MYO15B: variants seen among roughly 807,000 people sequenced by gnomAD.
MYO15B encodes the protein myosin XVB.
A neutral mutation model predicts 119.3 loss-of-function variants in MYO15B; 207 were observed. That is an observed-to-expected ratio of 1.73 (90% CI 1.55 to 1.95). The LOEUF (loss-of-function observed/expected upper bound fraction) is 1.95. MYO15B is among the 30% of genes most tolerant of loss of function. MYO15B has a pLI of 0.00. For synonymous variants in MYO15B, 966 were observed against 498.9 expected (o/e 1.94, Z -12.48); for missense variants, 2,264 against 1,203.1 (o/e 1.88, Z -13.04).
intron 14 of MYO15B, among the ~76,000 whole-genome samples, chr17:75,599,884 G>A (rs147393390): frequency 0.017 from 2,024 of 119,598 alleles, 45 homozygotes; most frequent in African/African-American, 0.058. Context: ...GACAGAGCAA[G>A]ACTCGTCTCA....
chr17:75,602,940 G>A (rs1598779821), exon 17 of MYO15B: 1 of 692,110 alleles, frequency 1.4e-6, no homozygotes. Context: ...TAGCCCGGCT[G>A]GGCAGGTAAG....
intron 22 of MYO15B, among the ~76,000 whole-genome samples, 198 bp downstream of exon 22, chr17:75,610,457 C>T (rs1247551607): frequency 6.6e-6 from 1 of 152,228 alleles, no homozygotes; most frequent in Non-Finnish European, 1.5e-5. Context: ...TGTCTTCCTC[C>T]ATCCCTGCCT....
At chr17:75,619,544 C>T (rs1053036488) in intron 45 of MYO15B, 68 bp downstream of exon 45, 1 of 688,024 alleles carries the variant, frequency 1.5e-6, no homozygotes, top group African/African-American at 1.8e-5. Flanking sequence ...TGCATGGGCA[C>T]AGACCACAAG....
At chr17:75,602,200 C>T (rs1336682568) in intron 15 of MYO15B, 1 of 434,220 alleles carries the variant, frequency 2.3e-6, no homozygotes, top group African/African-American at 2.0e-5. Flanking sequence ...TTCAAGAAAG[C>T]TAGGAAAATG....
intron 14 of MYO15B, among the ~76,000 whole-genome samples, chr17:75,598,783 T>A (rs1169128825): frequency 6.6e-6 from 1 of 152,196 alleles, no homozygotes; most frequent in Non-Finnish European, 1.5e-5. Context: ...AGTTCACATT[T>A]CATAATGTTT....
At position 75,619,219 on chromosome 17, in the gene MYO15B, G is replaced by A. The variant is rs964199311; in HGVS notation, c.7063+1G>A. ...CGGCGGAAAATGAAAGACCTGCTGG[G>A]TATGGGTCCAGGGACCATGGAGTTG... On this transcript the variant is annotated splice_donor_variant, in intron 44 of 63. Transcript: ENST00000645453. LOFTEE classifies it high-confidence loss of function. 1.0e-5 allele frequency: 7 copies of A among 702,720 alleles called. No individual in the cohort carries two copies. Among genetic ancestry groups the A allele is most frequent in the African/African-American group, 8.7e-5 (5 of 57,242 alleles). 43.5% of individuals were successfully genotyped at this position (702,720 alleles called of 1,614,324 possible). A position where few individuals can be genotyped will look rare whatever the true frequency, so the allele number is the denominator to read the frequency against.
Position 75,614,180 on chromosome 17 carries a change from C to T in MYO15B, c.5220-19C>T, listed in dbSNP as rs1328861940. 1 of 700,730 alleles carries T rather than the reference C, an allele frequency of 1.4e-6. No individual in the cohort carries two copies. Among genetic ancestry groups the T allele is most frequent in the African/African-American group, 1.7e-5 (1 of 57,164 alleles). 43.4% of individuals were successfully genotyped at this position (700,730 alleles called of 1,614,324 possible). ...TCTGGATGGCCGCCTGCCTCACTGA[C>T]TGGTCCCCTCCCACCCAGAGGCCTG... On this transcript the variant is annotated intron_variant, in intron 29 of 63. Coordinates refer to ENST00000645453, the Ensembl canonical transcript of MYO15B.
At chr17:75,616,190 A>G in intron 37 of MYO15B, 43 bp downstream of exon 37, 1 of 571,800 alleles carries the variant, frequency 1.7e-6, no homozygotes, top group Admixed American at 3.4e-5. Flanking sequence ...AAACATGGCC[A>G]GTGCCCCTGG....
intron 5 of MYO15B, 57 bp from the exon 6 acceptor site, chr17:75,591,920 G>T (rs961597328): frequency 5.8e-6 from 4 of 689,702 alleles, no homozygotes; most frequent in Non-Finnish European, 1.1e-5. Flanking sequence ...TAGCTGGGAT[G>T]CCTGCTGGTG....
chr17:75,590,202 C>T (rs1432812981), exon 1 of MYO15B: 4 of 399,092 alleles, frequency 1.0e-5, no homozygotes, highest in Non-Finnish European at 1.3e-5. Context: ...GCAGGAGCCT[C>T]GGAGACGGCC....
At chr17:75,618,362 G>T (rs1314861116) in intron 43 of MYO15B, among the ~76,000 whole-genome samples, 177 bp downstream of exon 43, 1 of 152,250 alleles carries the variant, frequency 6.6e-6, no homozygotes, top group African/African-American at 2.4e-5. Context: ...TTCCTGAGAA[G>T]TAGGGACCAT....
chr17:75,616,398 GAGGAGGAGGAGGAGGAGC>G (rs2058373176), exon 38 of MYO15B: 2 of 623,158 alleles, frequency 3.2e-6, no homozygotes, highest in Non-Finnish European at 5.7e-6. Context: ...GGAGGAGGAG[GAGGAGGAGGAGGAGGAGC>G]AGGAGGAGCA....
intron 48 of MYO15B, 29 bp from the exon 49 acceptor site, chr17:75,620,438 G>A (rs2058641040): frequency 5.7e-6 from 4 of 702,558 alleles, no homozygotes; most frequent in African/African-American, 1.7e-5. Context: ...GGGTCCAGTG[G>A]GTGAGCCACA....
At chr17:75,602,111 G>A (rs1309035744) in intron 15 of MYO15B, among the ~76,000 whole-genome samples, 1 of 152,222 alleles carries the variant, frequency 6.6e-6, no homozygotes, top group Non-Finnish European at 1.5e-5. Flanking sequence ...GTTCTCCCTG[G>A]AGGAGATGGC....
intron 55 of MYO15B, 53 bp downstream of exon 55, chr17:75,624,117 A>G: frequency 1.4e-6 from 1 of 702,648 alleles, no homozygotes; most frequent in South Asian, 1.5e-5. Flanking sequence ...AGGACTGGGA[A>G]CTTGGTGGGC....
At chr17:75,610,107 C>A in intron 21 of MYO15B, 59 bp from the exon 22 acceptor site, 1 of 629,302 alleles carries the variant, frequency 1.6e-6, no homozygotes, top group South Asian at 1.7e-5. Flanking sequence ...ATTCCAGTGC[C>A]AGGCAGGAAG....
intron 63 of MYO15B, 46 bp from the exon 64 acceptor site, chr17:75,626,360 AG>A: frequency 1.4e-6 from 1 of 702,746 alleles, no homozygotes; most frequent in Non-Finnish European, 2.6e-6. Flanking sequence ...GGCAGAGGCG[AG>A]GGGCTGGCTG....
At position 75,623,838 on chromosome 17, in the gene MYO15B, A is replaced by G. The variant is rs775461127; in HGVS notation, c.8140A>G (p.Thr2714Ala). ...TTACTGCCAGGTTATCAAGCAGGTCACGGGACACCCCCGGCCGTGAGTGGG... is the reference window on the plus strand; with the variant it reads ...TTACTGCCAGGTTATCAAGCAGGTCGCGGGACACCCCCGGCCGTGAGTGGG... The change falls in exon 54 of 64, where the codon ACG (threonine) becomes GCG (alanine). Residue 2714 changes from threonine to alanine, a missense_variant. Coordinates refer to ENST00000645453, the Ensembl canonical transcript of MYO15B. 6.3e-5 allele frequency: 44 copies of G among 697,862 alleles called. No homozygotes were observed. The Admixed American group carries it at 6.3e-4, about 10-fold the overall frequency. The allele number at this position is 697,862 out of a possible 1,614,324, so 43.2% of individuals were successfully genotyped here. A position where few individuals can be genotyped will look rare whatever the true frequency, so the allele number is the denominator to read the frequency against.
In MYO15B at chr17:75,592,013, C is replaced by A. The variant is rs1186494997; in HGVS notation, c.2584C>A (p.His862Asn). 5 of 702,662 alleles carry A rather than the reference C, an allele frequency of 7.1e-6. No individual in the cohort carries two copies. In the East Asian group the frequency reaches 1.3e-4, roughly 19 times the overall value. 43.5% of individuals were successfully genotyped at this position (702,662 alleles called of 1,614,324 possible). The change falls in exon 6 of 64, where the codon CAT (histidine) becomes AAT (asparagine). Residue 862 changes from histidine (H) to asparagine (N), a missense_variant. Transcript: ENST00000645453. ...GCTGCCTATACTCAGCAGCTTTGGC[C>A]ATGCCAAGACCATCCTCAATGCCAA...
Sources: gnomAD v4.1 joint callset for allele counts (sites outside exome capture counted in the v4.1 genomes callset) on GRCh38, gnomAD v4.1.1 for gene constraint, MANE v1.5 for transcripts, NCBI Gene and HGNC (gene_info 2026-07-23, HGNC 2026-07-21) for gene names.